Variants in SLCO1B1 observed in about 807,000 individuals in gnomAD.
SLCO1B1 encodes the protein OATP-2.
SLCO1B1 carries 81 observed loss-of-function variants against 70.1 expected under a neutral mutation model. That is an observed-to-expected ratio of 1.16 (90% CI 0.97 to 1.39). SLCO1B1 has a LOEUF of 1.39. Ranked by LOEUF, SLCO1B1 falls within the 40% of genes most tolerant of loss-of-function variation. The probability of loss-of-function intolerance (pLI) is 0.00; values close to 1 mark genes in which losing one functional copy is unlikely to be tolerated. For synonymous variants in SLCO1B1, 283 were observed against 271.5 expected (o/e 1.04, Z -0.42); for missense variants, 895 against 799.6 (o/e 1.12, Z -1.44).
At chr12:21,143,860 T>G (rs111239511) in intron 2 of SLCO1B1, among the ~76,000 whole-genome samples, 1 of 152,108 alleles carries the variant, frequency 6.6e-6, no homozygotes, top group South Asian at 2.1e-4. Context: ...GTCAAGCAAC[T>G]GTGGATTCTA....
At chr12:21,152,425 G>T (rs370961690) in intron 2 of SLCO1B1, among the ~76,000 whole-genome samples, 3 of 148,914 alleles carry the variant, frequency 2.0e-5, no homozygotes, top group East Asian at 4.0e-4. Context: ...TTTTCTTTTA[G>T]ATGACTGGTA....
intron 14 of SLCO1B1, among the ~76,000 whole-genome samples, chr12:21,236,899 A>G (rs1447508749): frequency 7.1e-6 from 1 of 141,660 alleles, no homozygotes; most frequent in Non-Finnish European, 1.6e-5. Flanking sequence ...CCTCCATCTA[A>G]TTACTTTTAA....
chr12:21,211,046 A>T lies in SLCO1B1; in HGVS notation c.1497+5013A>T, dbSNP rs1161300937. ...CTTCCTCTTTTCCTAATTGAATACCATTTATTTCCTTCTCCTGCCTAATTG... is the reference window on the plus strand; with the variant it reads ...CTTCCTCTTTTCCTAATTGAATACCTTTTATTTCCTTCTCCTGCCTAATTG... On this transcript the variant is annotated intron_variant, in intron 11 of 14. Transcript: ENST00000256958. 3.9e-5 allele frequency among the ~76,000 whole-genome samples: 6 copies of T among 152,034 alleles called. 1 individual carries two copies. The highest frequency in any genetic ancestry group is 2.1e-4 in the South Asian group (1 of 4,806).
At chr12:21,138,977 T>G (rs1186864604) in intron 1 of SLCO1B1, among the ~76,000 whole-genome samples, 1 of 152,232 alleles carries the variant, frequency 6.6e-6, no homozygotes, top group Middle Eastern at 3.4e-3. Context: ...TGAAAGATTC[T>G]TAGGATAAAT....
intron 7 of SLCO1B1, among the ~76,000 whole-genome samples, chr12:21,185,883 G>C (rs1471964025): frequency 6.6e-6 from 1 of 151,810 alleles, no homozygotes; most frequent in African/African-American, 2.4e-5. Context: ...AAATGACAAA[G>C]ATCACATTAC....
Position 21,163,942 on chromosome 12 carries a change from G to A in SLCO1B1, c.85-8708G>A, listed in dbSNP as rs575290580. ...AGAAGACGGTATGAAACAAATCACTGAAAAAAAAAAAATGTAACAGCCAGA... is the reference window on the plus strand; with the variant it reads ...AGAAGACGGTATGAAACAAATCACTAAAAAAAAAAAAATGTAACAGCCAGA... On this transcript the variant is annotated intron_variant, in intron 2 of 14. Coordinates refer to ENST00000256958, the MANE Select transcript of SLCO1B1 (RefSeq NM_006446.5). Among the ~76,000 whole-genome samples the A allele has an allele frequency of 5.6e-3, 822 of 146,308 alleles. 10 individuals are homozygous for A. The highest frequency in any genetic ancestry group is 0.02 in the African/African-American group (778 of 39,540).
chr12:21,167,404 T>C (rs1940699428), intron 2 of SLCO1B1, among the ~76,000 whole-genome samples: 2 of 152,290 alleles, frequency 1.3e-5, no homozygotes, highest in East Asian at 3.9e-4. Flanking sequence ...AATTAGTGGA[T>C]AAGAGCATGG....
chr12:21,143,554 T>C (rs905911255), intron 2 of SLCO1B1, among the ~76,000 whole-genome samples: 3 of 152,004 alleles, frequency 2.0e-5, no homozygotes, highest in Admixed American at 6.6e-5. Flanking sequence ...CATAATTCTA[T>C]CAACTGGATG....
intron 12 of SLCO1B1, among the ~76,000 whole-genome samples, chr12:21,217,647 G>C (rs1367210439): frequency 6.6e-6 from 1 of 152,006 alleles, no homozygotes; most frequent in Non-Finnish European, 1.5e-5. Flanking sequence ...GAGATGCCTT[G>C]CATCTCTCAG....
At chr12:21,147,593 C>G (rs1332979597) in intron 2 of SLCO1B1, among the ~76,000 whole-genome samples, 1 of 152,152 alleles carries the variant, frequency 6.6e-6, no homozygotes, top group Admixed American at 6.5e-5. Flanking sequence ...TCATCCATGT[C>G]CCTGCAAAGG....
chr12:21,200,093 G>A (rs1591817911), intron 8 of SLCO1B1, among the ~76,000 whole-genome samples: 1 of 152,224 alleles, frequency 6.6e-6, no homozygotes, highest in East Asian at 1.9e-4. Context: ...GAGCCACTGT[G>A]CCCGGCCTTC....
At chr12:21,135,067 AT>A (rs1940198642) in intron 1 of SLCO1B1, among the ~76,000 whole-genome samples, 1 of 152,136 alleles carries the variant, frequency 6.6e-6, no homozygotes, top group Non-Finnish European at 1.5e-5. Flanking sequence ...GAACATCTTT[AT>A]TTATGCCTTC....
chr12:21,233,571 C>CAAAA (rs60313934), intron 14 of SLCO1B1, among the ~76,000 whole-genome samples: 11 of 137,610 alleles, frequency 8.0e-5, no homozygotes, highest in Admixed American at 1.5e-4. Flanking sequence ...AACAAACAAA[C>CAAAA]AAAAAAAAAA....
chr12:21,158,416 G>C (rs934936890), intron 2 of SLCO1B1, among the ~76,000 whole-genome samples: 1 of 151,964 alleles, frequency 6.6e-6, no homozygotes, highest in African/African-American at 2.4e-5. Flanking sequence ...CTCACATTAG[G>C]CTAGGTGCGT....
chr12:21,157,790 C>T lies in SLCO1B1; in HGVS notation c.85-14860C>T, dbSNP rs112153425. Reference sequence around the variant, plus strand: ...TAATTTTTTGTATTTTTAGTAGAGACGGGGTTTCATCATGTTAGCCAGGAT... The same window carrying T: ...TAATTTTTTGTATTTTTAGTAGAGATGGGGTTTCATCATGTTAGCCAGGAT... On this transcript the variant is annotated intron_variant, in intron 2 of 14. Coordinates refer to ENST00000256958, the MANE Select transcript of SLCO1B1 (RefSeq NM_006446.5). Among the ~76,000 whole-genome samples the T allele has an allele frequency of 3.9e-5, 6 of 151,932 alleles. No homozygotes were observed. The East Asian group carries it at 7.7e-4, about 20-fold the overall frequency.
At chr12:21,134,985 C>T (rs1940197374) in intron 1 of SLCO1B1, among the ~76,000 whole-genome samples, 1 of 152,074 alleles carries the variant, frequency 6.6e-6, no homozygotes, top group African/African-American at 2.4e-5. Flanking sequence ...CTATAAATTT[C>T]CCTCTACACA....
intron 2 of SLCO1B1, among the ~76,000 whole-genome samples, chr12:21,159,596 G>T (rs1473128704): frequency 6.6e-6 from 1 of 152,128 alleles, no homozygotes; most frequent in Non-Finnish European, 1.5e-5. Flanking sequence ...AAAGTAAATT[G>T]AGAAAATTCC....
rs1206366990 is a variant in SLCO1B1, at chr12:21,176,935, T to C, written c.481+38T>C. ...ATTGACAGTAAAAAGTCTTCTAAAA[T>C]GTATACATTTAATTACATCTCTAAA... On this transcript the variant is annotated intron_variant, in intron 5 of 14. Coordinates refer to ENST00000256958, the MANE Select transcript of SLCO1B1 (RefSeq NM_006446.5). 3 of 1,433,368 alleles carry C rather than the reference T, an allele frequency of 2.1e-6. No individual in the cohort carries two copies. The African/African-American group carries it at 4.2e-5, about 20-fold the overall frequency. The allele number at this position is 1,433,368 out of a possible 1,614,324, so 88.8% of individuals were successfully genotyped here. A position where few individuals can be genotyped will look rare whatever the true frequency, so the allele number is the denominator to read the frequency against.
chr12:21,231,587 C>T (rs1941538935), intron 14 of SLCO1B1, among the ~76,000 whole-genome samples: 1 of 151,186 alleles, frequency 6.6e-6, no homozygotes, highest in Non-Finnish European at 1.5e-5. Context: ...AAAAACTTCT[C>T]AAAAAAACAA....
Sources: allele counts gnomAD v4.1 joint callset (sites outside exome capture counted in the v4.1 genomes callset), GRCh38; gene constraint gnomAD v4.1.1; transcripts MANE v1.5; gene names NCBI Gene and HGNC (gene_info 2026-07-23, HGNC 2026-07-21).